RNF13: variants seen among roughly 807,000 people sequenced by gnomAD.
The protein encoded by RNF13 is ring finger protein 13, also known as E3 ubiquitin-protein ligase RNF13.
A neutral mutation model predicts 37.7 loss-of-function variants in RNF13; 19 were observed. The observed-to-expected ratio is 0.50, with a 90% confidence interval of 0.35 to 0.74. The LOEUF is 0.74. Among genes scored for constraint, RNF13 ranks in the 30% least tolerant of loss-of-function variants. The pLI is 0.01. For missense variants in RNF13, 375 were observed against 453.0 expected, an observed-to-expected ratio of 0.83 and a Z score of 1.56; for synonymous variants, 144 against 157.8, an observed-to-expected ratio of 0.91 and a Z score of 0.65.
intron 8 of RNF13, among the ~76,000 whole-genome samples, chr3:149,937,741 A>G (rs1338383803): frequency 6.6e-6 from 1 of 152,104 alleles, no homozygotes; most frequent in African/African-American, 2.4e-5. Context: ...AGCTATCTGT[A>G]TTTATATATT....
At chr3:149,953,584 T>C (rs1280024972) in intron 8 of RNF13, among the ~76,000 whole-genome samples, 1 of 152,196 alleles carries the variant, frequency 6.6e-6, no homozygotes, top group Non-Finnish European at 1.5e-5. Context: ...TTCTTAACAC[T>C]ATGAATCGAA....
chr3:149,907,167 C>A (rs1025047611), intron 6 of RNF13, among the ~76,000 whole-genome samples: 2 of 152,104 alleles, frequency 1.3e-5, no homozygotes, highest in African/African-American at 4.8e-5. Context: ...AATTCTCTTA[C>A]TGTTGATGGC....
chr3:149,946,532 C>T (rs1454792575), intron 8 of RNF13, among the ~76,000 whole-genome samples: 1 of 152,128 alleles, frequency 6.6e-6, no homozygotes, highest in Non-Finnish European at 1.5e-5. Context: ...CTTATTTCTT[C>T]ATGATTTAGT....
At chr3:149,864,443 C>T (rs573781214) in intron 3 of RNF13, among the ~76,000 whole-genome samples, 1 of 152,182 alleles carries the variant, frequency 6.6e-6, no homozygotes, top group Admixed American at 6.5e-5. Flanking sequence ...AACCTCTTTA[C>T]AAATTACCCA....
intron 4 of RNF13, among the ~76,000 whole-genome samples, chr3:149,894,305 C>T (rs1051203547): frequency 6.6e-6 from 1 of 152,116 alleles, no homozygotes; most frequent in African/African-American, 2.4e-5. Context: ...GTCAACTGAC[C>T]TGACTGGGAT....
At chr3:149,888,192 T>C (rs1382864163) in intron 4 of RNF13, among the ~76,000 whole-genome samples, 2 of 152,224 alleles carry the variant, frequency 1.3e-5, no homozygotes, top group African/African-American at 4.8e-5. Flanking sequence ...AATTATGACT[T>C]GTCACTGAAA....
intron 1 of RNF13, among the ~76,000 whole-genome samples, chr3:149,841,087 T>A (rs1722135140): frequency 6.6e-6 from 1 of 152,204 alleles, no homozygotes. Context: ...TGTAATAAGC[T>A]TTTTTAGTTA....
intron 1 of RNF13, among the ~76,000 whole-genome samples, chr3:149,821,746 A>C (rs13078245): frequency 0.02 from 3,013 of 152,226 alleles, 50 homozygotes; most frequent in Non-Finnish European, 0.025. Context: ...CCAGGCCATG[A>C]AGATTAACCC....
intron 1 of RNF13, among the ~76,000 whole-genome samples, chr3:149,831,928 A>G (rs1292445710): frequency 6.6e-6 from 1 of 152,182 alleles, no homozygotes; most frequent in African/African-American, 2.4e-5. Flanking sequence ...TGCCATATAT[A>G]TGTTATAAAC....
intron 1 of RNF13, among the ~76,000 whole-genome samples, chr3:149,827,420 T>G (rs1446800493): frequency 6.6e-6 from 1 of 152,146 alleles, no homozygotes; most frequent in Non-Finnish European, 1.5e-5. Flanking sequence ...TATATAAACT[T>G]TTAACATTTT....
intron 4 of RNF13, among the ~76,000 whole-genome samples, chr3:149,874,759 A>G (rs1177988479): frequency 6.6e-6 from 1 of 152,146 alleles, no homozygotes; most frequent in African/African-American, 2.4e-5. Context: ...AGTAAGAATT[A>G]TGGATCACCT....
intron 6 of RNF13, among the ~76,000 whole-genome samples, chr3:149,910,736 C>T (rs1576523691): frequency 1.3e-5 from 2 of 152,286 alleles, no homozygotes; most frequent in Non-Finnish European, 2.9e-5. Context: ...GCTTTGCTGG[C>T]ACCGTACTAG....
intron 4 of RNF13, among the ~76,000 whole-genome samples, chr3:149,885,846 A>C (rs1713966525): frequency 6.6e-6 from 1 of 152,188 alleles, no homozygotes; most frequent in Non-Finnish European, 1.5e-5. Flanking sequence ...GTTTTCTTGT[A>C]GTAATTTCAT....
At chr3:149,870,320 A>T (rs970398028) in intron 3 of RNF13, among the ~76,000 whole-genome samples, 18 of 151,228 alleles carry the variant, frequency 1.2e-4, no homozygotes, top group African/African-American at 4.1e-4. Flanking sequence ...GGCATAGTAG[A>T]TGTGGAAGTC....
intron 1 of RNF13, among the ~76,000 whole-genome samples, chr3:149,828,770 C>T (rs1235238864): frequency 1.3e-5 from 2 of 152,064 alleles, no homozygotes; most frequent in East Asian, 3.9e-4. Flanking sequence ...ACTTACCAAT[C>T]TTTGGTTCAA....
intron 4 of RNF13, among the ~76,000 whole-genome samples, chr3:149,892,191 A>T (rs1199774690): frequency 6.6e-6 from 1 of 152,134 alleles, no homozygotes; most frequent in Non-Finnish European, 1.5e-5. Flanking sequence ...TAGGAGTTTT[A>T]TTATTATGTT....
intron 1 of RNF13, among the ~76,000 whole-genome samples, chr3:149,820,246 CTT>C (rs1447761904): frequency 6.6e-6 from 1 of 151,312 alleles, no homozygotes; most frequent in Non-Finnish European, 1.5e-5. Context: ...AAGAGACCGT[CTT>C]TTTCTGTCAC....
rs1414977086 is a variant in RNF13, at chr3:149,889,286, A to AGTGCGTGT, written c.322-6184_322-6183insCGTGTGTG. Among the ~76,000 whole-genome samples the AGTGCGTGT allele has an allele frequency of 3.5e-4, 16 of 45,390 alleles. No homozygotes were observed. The Admixed American group carries it at 4.1e-3, about 12-fold the overall frequency. The allele number at this position is 45,390 out of a possible 152,430, so 29.8% of individuals were successfully genotyped here. On this transcript the variant is annotated intron_variant, in intron 4 of 9. Coordinates refer to ENST00000392894, the MANE Select transcript of RNF13 (RefSeq NM_183381.3). ...TTAATGTGCTGAAAATCTGAATTTG[A>AGTGCGTGT]GTGTGCGTGTGTGTGTGTGTGTGTG...
At chr3:149,870,510 C>T (rs1358288487) in intron 3 of RNF13, among the ~76,000 whole-genome samples, 2 of 151,764 alleles carry the variant, frequency 1.3e-5, no homozygotes, top group Admixed American at 1.3e-4. Flanking sequence ...AGCTGGAAGC[C>T]AACCTATATG....
Sources: gnomAD v4.1 joint callset for allele counts (sites outside exome capture counted in the v4.1 genomes callset) on GRCh38, gnomAD v4.1.1 for gene constraint, MANE v1.5 for transcripts, NCBI Gene and HGNC (gene_info 2026-07-23, HGNC 2026-07-21) for gene names.